Variants in LCORL observed in about 807,000 individuals in gnomAD.
LCORL encodes the protein ligand dependent nuclear receptor corepressor like.
In LCORL, 41 loss-of-function variants were observed where a neutral mutation model predicts 141.8. That is an observed-to-expected ratio of 0.29 (90% confidence interval 0.23 to 0.38). The LOEUF is 0.38. Among genes scored for constraint, LCORL ranks in the 10% least tolerant of loss-of-function variants. The pLI is 1.00. For missense variants in LCORL, 1,759 were observed against 2,035.0 expected (o/e 0.86, Z 2.61); for synonymous variants, 618 against 694.1 (o/e 0.89, Z 1.72).
chr4:17,875,080 C>T (rs758371972), exon 7 of LCORL: 125 of 1,233,464 alleles, frequency 1.0e-4, no homozygotes, highest in Admixed American at 3.0e-4. Flanking sequence ...CTTATTTTAT[C>T]CATTTGAGTG....
At chr4:17,926,473 C>T (rs1315240756) in intron 4 of LCORL, among the ~76,000 whole-genome samples, 1 of 152,194 alleles carries the variant, frequency 6.6e-6, no homozygotes, top group Non-Finnish European at 1.5e-5. Flanking sequence ...CTTTTCGACT[C>T]TTGGACCTAC....
chr4:17,918,150 A>T (rs536313050), intron 4 of LCORL, among the ~76,000 whole-genome samples: 1 of 152,232 alleles, frequency 6.6e-6, no homozygotes, highest in Non-Finnish European at 1.5e-5. Flanking sequence ...CACAGAATAC[A>T]AAGAATACTA....
chr4:17,944,425 T>C (rs1483498126), intron 4 of LCORL, among the ~76,000 whole-genome samples: 3 of 152,178 alleles, frequency 2.0e-5, no homozygotes, highest in East Asian at 1.9e-4. Context: ...TATATCAGTA[T>C]TAAAACATGG....
At chr4:17,892,219 T>C (rs528927865) in intron 5 of LCORL, among the ~76,000 whole-genome samples, 11 of 149,248 alleles carry the variant, frequency 7.4e-5, no homozygotes, top group Non-Finnish European at 1.6e-4. Flanking sequence ...CTTTTTTTTT[T>C]TTTTTTTGAG....
chr4:17,872,877 G>A lies in LCORL; in HGVS notation c.5602+511C>T, dbSNP rs572495770. On this transcript the variant is annotated intron_variant, in intron 7 of 7. Coordinates refer to ENST00000635767, the Ensembl canonical transcript of LCORL. ...GCTCCAAATGACATAACAACTTGGT[G>A]GGTGATGTGAGATTAGGATTATCCT... Among the ~76,000 whole-genome samples, 13 of 152,184 alleles carry A rather than the reference G, an allele frequency of 8.5e-5. No homozygotes were observed. The East Asian group carries it at 2.5e-3, about 29-fold the overall frequency.
intron 4 of LCORL, chr4:17,911,851 T>A: frequency 2.2e-6 from 1 of 459,290 alleles, no homozygotes; most frequent in South Asian, 1.8e-5. Flanking sequence ...CGGCTTGAGG[T>A]CCGGGGACCT....
chr4:17,924,106 T>C (rs945248535), intron 4 of LCORL, among the ~76,000 whole-genome samples: 14 of 152,080 alleles, frequency 9.2e-5, no homozygotes, highest in Admixed American at 3.3e-4. Context: ...AGAATCATGA[T>C]TGGGAAATTG....
chr4:17,910,223 T>C (rs1217255852), intron 4 of LCORL, among the ~76,000 whole-genome samples: 1 of 152,200 alleles, frequency 6.6e-6, no homozygotes, highest in Non-Finnish European at 1.5e-5. Flanking sequence ...AACAGATCAC[T>C]TATATACACA....
At chr4:17,911,946 C>A in intron 4 of LCORL, 1 of 581,206 alleles carries the variant, frequency 1.7e-6, no homozygotes. Context: ...ATGGCCAGAC[C>A]ATGCAAAGCC....
intron 4 of LCORL, among the ~76,000 whole-genome samples, chr4:17,927,865 C>G (rs1178356955): frequency 6.6e-6 from 1 of 152,090 alleles, no homozygotes. Context: ...GAAGCGAGCA[C>G]GTTATAAGGA....
intron 2 of LCORL, among the ~76,000 whole-genome samples, chr4:17,965,631 A>T (rs749112383): frequency 1.3e-5 from 2 of 152,128 alleles, no homozygotes; most frequent in Non-Finnish European, 2.9e-5. Flanking sequence ...GGCTTGAATC[A>T]TTTTATCTAA....
intron 4 of LCORL, among the ~76,000 whole-genome samples, chr4:17,919,802 G>A (rs954674105): frequency 6.6e-6 from 1 of 152,130 alleles, no homozygotes; most frequent in African/African-American, 2.4e-5. Context: ...CCTGAAGTAG[G>A]ACTCCAATTC....
At chr4:17,879,894 C>CT (rs978992104) in intron 6 of LCORL, among the ~76,000 whole-genome samples, 1 of 150,858 alleles carries the variant, frequency 6.6e-6, no homozygotes, top group African/African-American at 2.4e-5. Flanking sequence ...TGCTCAAAGG[C>CT]TTTTTTCTGT....
Position 18,021,816 on chromosome 4 carries a change from GCCCTCGGCGCGAGCCCCGGAGCGCGCGCC to G in LCORL, c.-94_-66del. On this transcript the variant is annotated 5_prime_UTR_variant, in exon 1 of 8. Transcript: ENST00000635767. The surrounding 1 kb of genome is among the most constrained non-coding windows in gnomAD (Gnocchi z 5.5). ...GCGCAGGCACGAGGCAGGGGCGCGA[GCCCTCGGCGCGAGCCCCGGAGCGCGCGCC>G]CCCCGGAGGGGGGTTGATTGACACG... 7.7e-7 allele frequency: 1 copy of G among 1,304,908 alleles called. No homozygotes were observed. The highest frequency in any genetic ancestry group is 9.9e-7 in the Non-Finnish European group (1 of 1,006,230). 80.8% of individuals were successfully genotyped at this position (1,304,908 alleles called of 1,614,324 possible).
exon 8 of LCORL, chr4:17,843,264 C>G (rs1423013745): frequency 6.3e-7 from 1 of 1,583,908 alleles, no homozygotes; most frequent in Admixed American, 1.8e-5. Context: ...GGTTTTAAAG[C>G]TTGTATCTAA....
intron 1 of LCORL, among the ~76,000 whole-genome samples, chr4:17,999,191 A>AGCCGGGTGTGGTGGCTCAC (rs57487263): frequency 1.3e-5 from 2 of 150,536 alleles, no homozygotes; most frequent in East Asian, 2.0e-4. Context: ...AGGATGTCTA[A>AGCCGGGTGTGGTGGCTCAC]GCCTGTAATC....
intron 5 of LCORL, among the ~76,000 whole-genome samples, chr4:17,905,767 A>G (rs541088244): frequency 7.2e-4 from 109 of 152,246 alleles, no homozygotes; most frequent in Non-Finnish European, 1.4e-3. Context: ...CAAATAAATA[A>G]CTGGCTTAAA....
At chr4:17,896,972 A>G (rs1730030932) in intron 5 of LCORL, among the ~76,000 whole-genome samples, 1 of 152,078 alleles carries the variant, frequency 6.6e-6, no homozygotes, top group African/African-American at 2.4e-5. Context: ...GAACATGAAA[A>G]GTTTGTCCTT....
In LCORL at chr4:17,884,591, T is replaced by TTTAAGTG; in HGVS notation, c.776+1476_776+1477insCACTTAA. 1 of 1,545,660 alleles carries TTTAAGTG rather than the reference T, an allele frequency of 6.5e-7. No individual in the cohort carries two copies. Among genetic ancestry groups the TTTAAGTG allele is most frequent in the Non-Finnish European group, 8.7e-7 (1 of 1,144,954 alleles). On this transcript the variant is annotated intron_variant, in intron 6 of 7. Coordinates refer to ENST00000635767, the Ensembl canonical transcript of LCORL. The surrounding 1 kb of genome is among the most constrained non-coding windows in gnomAD (Gnocchi z 4.4). ...TGCAGGCTTCCCTGCTGGTAAGGCT[T>TTTAAGTG]CTAAGTGAAGAAGTAAAGTTTTTTG...
Sources: allele counts gnomAD v4.1 joint callset (sites outside exome capture counted in the v4.1 genomes callset), GRCh38; gene constraint gnomAD v4.1.1; non-coding constraint Gnocchi (gnomAD v3.1); transcripts MANE v1.5; gene names NCBI Gene and HGNC (gene_info 2026-07-23, HGNC 2026-07-21).